Variants in SLC35A1 observed in about 807,000 individuals in gnomAD.
The protein encoded by SLC35A1 is solute carrier family 35 member A1, also known as CMP-sialic acid transporter.
A neutral mutation model predicts 40.3 loss-of-function variants in SLC35A1; 21 were observed. The ratio of observed to expected loss-of-function variants is 0.52; its 90% CI spans 0.37 to 0.75. The LOEUF (loss-of-function observed/expected upper bound fraction) is 0.75. Ranked by LOEUF, SLC35A1 falls within the 30% of genes least tolerant of loss-of-function variation. The probability of loss-of-function intolerance (pLI) is 0.00; values close to 1 mark genes in which losing one functional copy is unlikely to be tolerated. For synonymous variants in SLC35A1, 146 were observed against 147.3 expected (o/e 0.99, Z 0.06); for missense variants, 297 against 382.1 (o/e 0.78, Z 1.86).
chr6:87,511,432 G>T lies in SLC35A1; in HGVS notation c.920G>T (p.Cys307Phe). The T allele has an allele frequency of 1.2e-6, 2 of 1,612,300 alleles. No homozygotes were observed. Among genetic ancestry groups the T allele is most frequent in the Non-Finnish European group, 1.7e-6 (2 of 1,179,336 alleles). Residue 307 changes from cysteine to phenylalanine, a missense_variant, in exon 8 of 8, where the codon TGT (cysteine) becomes TTT (phenylalanine). Physicochemically the swap from Cys to Phe is radical, Grantham distance 205. Coordinates refer to ENST00000369552, the MANE Select transcript of SLC35A1 (RefSeq NM_006416.5). ...LTFALGTLLVCVSIYLYGLPR... is the reference protein window; with the variant it reads ...LTFALGTLLVFVSIYLYGLPR... The stretch of plus-strand genomic sequence containing the variant: ...TTTGCCCTGGGTACTCTTCTTGTAT[G>T]TGTTTCCATATATCTCTATGGATTA...
At chr6:87,505,266 A>G (rs959904432) in intron 4 of SLC35A1, among the ~76,000 whole-genome samples, 1 of 152,216 alleles carries the variant, frequency 6.6e-6, no homozygotes, top group Non-Finnish European at 1.5e-5. Context: ...TTGTCATATT[A>G]CAGTCATGAA....
Position 87,511,519 on chromosome 6 carries a change from G to C in SLC35A1, c.1007G>C (p.Gly336Ala), listed in dbSNP as rs200065902. 6.2e-7 allele frequency: 1 copy of C among 1,613,944 alleles called. No individual in the cohort carries two copies. Among genetic ancestry groups the C allele is most frequent in the Non-Finnish European group, 8.5e-7 (1 of 1,179,930 alleles). Residue 336 changes from glycine (G) to alanine (A), a missense_variant, in exon 8 of 8, where the codon GGT becomes GCT. Gly to Ala is a moderately conservative substitution (Grantham distance 60). Transcript: ENST00000369552. ...GETASKERVI[G>A]V is the part of the protein sequence containing the mutation. Reference sequence around the variant, plus strand: ...ACAGCTTCAAAGGAGAGAGTTATTGGTGTGTGATTTTAGCCTCACGTGAGA... The same window carrying C: ...ACAGCTTCAAAGGAGAGAGTTATTGCTGTGTGATTTTAGCCTCACGTGAGA...
intron 4 of SLC35A1, among the ~76,000 whole-genome samples, chr6:87,502,088 G>T (rs1182286336): frequency 6.6e-6 from 1 of 152,136 alleles, no homozygotes; most frequent in East Asian, 1.9e-4. Flanking sequence ...TACAGTGCTT[G>T]TGAACAGTAT....
intron 2 of SLC35A1, among the ~76,000 whole-genome samples, chr6:87,489,688 T>A (rs1360566565): frequency 6.6e-6 from 1 of 151,856 alleles, no homozygotes; most frequent in African/African-American, 2.4e-5. Context: ...ACTACAGGCA[T>A]GTGCCACCAC....
intron 4 of SLC35A1, among the ~76,000 whole-genome samples, chr6:87,503,284 A>G (rs1388287992): frequency 6.6e-6 from 1 of 152,210 alleles, no homozygotes; most frequent in African/African-American, 2.4e-5. Context: ...GCTGCAGTCA[A>G]CTGAAGACTT....
chr6:87,511,542 A>C lies in SLC35A1; in HGVS notation c.*16A>C, dbSNP rs1293749953. On this transcript the variant is annotated 3_prime_UTR_variant, in exon 8 of 8. Transcript: ENST00000369552. ...TGGTGTGTGATTTTAGCCTCACGTG[A>C]GACTCCTTTTAAGACTAAACCATTT... The C allele has an allele frequency of 3.7e-6, 6 of 1,613,702 alleles. No individual in the cohort carries two copies. Among genetic ancestry groups the C allele is most frequent in the Non-Finnish European group, 4.2e-6 (5 of 1,179,690 alleles).
chr6:87,485,165 C>T (rs573633700), intron 2 of SLC35A1, among the ~76,000 whole-genome samples: 2 of 152,014 alleles, frequency 1.3e-5, no homozygotes, highest in Non-Finnish European at 2.9e-5. Context: ...TTCTAAATAT[C>T]AGAAAATAAT....
intron 1 of SLC35A1, among the ~76,000 whole-genome samples, chr6:87,473,698 T>C (rs1768986391): frequency 6.6e-6 from 1 of 152,226 alleles, no homozygotes; most frequent in Non-Finnish European, 1.5e-5. Context: ...ATTTGTTGAC[T>C]AATTGACATT....
intron 2 of SLC35A1, among the ~76,000 whole-genome samples, chr6:87,495,682 G>A (rs1018496177): frequency 6.7e-6 from 1 of 150,276 alleles, no homozygotes; most frequent in Non-Finnish European, 1.5e-5. Flanking sequence ...TTGAGACAGA[G>A]TCTAGCTCTG....
intron 2 of SLC35A1, among the ~76,000 whole-genome samples, chr6:87,482,624 C>T (rs559844336): frequency 7.2e-5 from 11 of 152,228 alleles, no homozygotes; most frequent in South Asian, 2.1e-4. Flanking sequence ...CTCAGTCACA[C>T]GGGAGGAACC....
chr6:87,489,955 G>T (rs1455472222), intron 2 of SLC35A1, among the ~76,000 whole-genome samples: 1 of 151,924 alleles, frequency 6.6e-6, no homozygotes, highest in African/African-American at 2.4e-5. Context: ...CACACTGGGT[G>T]TAGTGGCTCA....
chr6:87,511,293 T>A, intron 7 of SLC35A1, 106 bp from the exon 8 acceptor site: 2 of 1,197,066 alleles, frequency 1.7e-6, no homozygotes, highest in Non-Finnish European at 1.2e-6. Context: ...AAAAATATGA[T>A]CTGATAGTGT....
intron 2 of SLC35A1, among the ~76,000 whole-genome samples, chr6:87,478,786 C>A (rs1027301574): frequency 6.6e-6 from 1 of 152,160 alleles, no homozygotes; most frequent in Non-Finnish European, 1.5e-5. Context: ...CACTCGAATA[C>A]AAAATTTTCT....
At position 87,477,550 on chromosome 6, in the gene SLC35A1, A is replaced by C; in HGVS notation, c.194+11A>C. On this transcript the variant is annotated intron_variant, in intron 2 of 7. Transcript: ENST00000369552. The stretch of plus-strand genomic sequence containing the variant: ...GGGAATTTTAGCTAAGTGAGTATAA[A>C]TACTTATAGTGTGTTAAATTATTTT... 6.3e-7 allele frequency: 1 copy of C among 1,591,240 alleles called. No homozygotes were observed. The highest frequency in any genetic ancestry group is 8.6e-7 in the Non-Finnish European group (1 of 1,159,340).
At chr6:87,510,593 A>G (rs995288091) in intron 7 of SLC35A1, among the ~76,000 whole-genome samples, 2 of 152,178 alleles carry the variant, frequency 1.3e-5, no homozygotes, top group African/African-American at 4.8e-5. Context: ...GATTAAAATG[A>G]AAAAAGGTGC....
chr6:87,511,475 A>G lies in SLC35A1; in HGVS notation c.963A>G (p.Thr321=), dbSNP rs371513987. 1.7e-5 allele frequency: 27 copies of G among 1,613,780 alleles called. No homozygotes were observed. The highest frequency in any genetic ancestry group is 2.1e-5 in the Non-Finnish European group (25 of 1,179,922). Reference sequence around the variant, plus strand: ...ATGGATTACCCAGACAAGACACTACATCCATCCAACAAGGAGAAACAGCTT... The same window carrying G: ...ATGGATTACCCAGACAAGACACTACGTCCATCCAACAAGGAGAAACAGCTT... ...YLYGLPRQDT[T]SIQQGETASK... Residue 321 remains threonine, a synonymous_variant, in exon 8 of 8, where the codon ACA becomes ACG. Coordinates refer to ENST00000369552, the MANE Select transcript of SLC35A1 (RefSeq NM_006416.5).
chr6:87,503,302 G>A (rs1158670605), intron 4 of SLC35A1, among the ~76,000 whole-genome samples: 1 of 152,320 alleles, frequency 6.6e-6, no homozygotes, highest in African/African-American at 2.4e-5. Context: ...CTTGACTACG[G>A]CTGGAGGATC....
chr6:87,504,379 T>G (rs1562026217), intron 4 of SLC35A1, among the ~76,000 whole-genome samples: 1 of 152,228 alleles, frequency 6.6e-6, no homozygotes, highest in Non-Finnish European at 1.5e-5. Context: ...CCTGGTTAGA[T>G]TCCTCTTGGT....
chr6:87,487,388 G>A (rs946389047), intron 2 of SLC35A1, among the ~76,000 whole-genome samples: 1 of 152,160 alleles, frequency 6.6e-6, no homozygotes, highest in African/African-American at 2.4e-5. Context: ...GTAGGACTTC[G>A]TGATGGGTTT....
Sources: gnomAD v4.1 joint callset for allele counts (sites outside exome capture counted in the v4.1 genomes callset) on GRCh38, gnomAD v4.1.1 for gene constraint, MANE v1.5 for transcripts, NCBI Gene and HGNC (gene_info 2026-07-23, HGNC 2026-07-21) for gene names.